HS3ST4: variants seen among roughly 807,000 people sequenced by gnomAD.
HS3ST4 encodes heparan sulfate glucosamine 3-O-sulfotransferase 4.
Under a neutral mutation model 29.2 loss-of-function variants are expected in HS3ST4, and 17 were observed. That is an observed-to-expected ratio of 0.58 (90% CI 0.40 to 0.87). The LOEUF is 0.87. Among genes scored for constraint, HS3ST4 ranks in the 40% least tolerant of loss-of-function variants. HS3ST4 has a pLI of 0.00. For missense variants in HS3ST4, 627 were observed against 634.5 expected (o/e 0.99, Z 0.13); for synonymous variants, 314 against 285.7 (o/e 1.10, Z -1.00).
intron 1 of HS3ST4, among the ~76,000 whole-genome samples, chr16:25,935,858 A>T (rs1968512233): frequency 6.6e-6 from 1 of 152,228 alleles, no homozygotes; most frequent in Non-Finnish European, 1.5e-5. Context: ...GTTAAAAAAA[A>T]GTCAAGTTAA....
At chr16:26,047,657 G>T (rs1898286725) in intron 1 of HS3ST4, among the ~76,000 whole-genome samples, 1 of 152,154 alleles carries the variant, frequency 6.6e-6, no homozygotes, top group Admixed American at 6.5e-5. Flanking sequence ...CGTCTCCAAA[G>T]CCCTGTTTTC....
chr16:25,849,000 T>A (rs1042635678), intron 1 of HS3ST4, among the ~76,000 whole-genome samples: 1 of 152,160 alleles, frequency 6.6e-6, no homozygotes, highest in Non-Finnish European at 1.5e-5. Flanking sequence ...GTAATTTCGG[T>A]TTTGAATTTC....
intron 1 of HS3ST4, among the ~76,000 whole-genome samples, chr16:26,122,980 G>C (rs1464689007): frequency 2.0e-5 from 3 of 151,920 alleles, no homozygotes; most frequent in Non-Finnish European, 4.4e-5. Context: ...CTTGAACCTT[G>C]GAGGCGGAGT....
intron 1 of HS3ST4, among the ~76,000 whole-genome samples, chr16:25,895,141 A>ATG (rs61699119): frequency 0.014 from 2,038 of 148,800 alleles, 17 homozygotes; most frequent in African/African-American, 0.024. Flanking sequence ...GTGAGGCAGG[A>ATG]TGTGTGTGTG....
intron 1 of HS3ST4, among the ~76,000 whole-genome samples, chr16:25,719,896 C>G (rs917183768): frequency 6.6e-6 from 1 of 152,156 alleles, no homozygotes; most frequent in Non-Finnish European, 1.5e-5. Flanking sequence ...GTGAGCAAAA[C>G]AAACTTCCTT....
intron 1 of HS3ST4, among the ~76,000 whole-genome samples, chr16:26,121,585 G>T (rs754640291): frequency 6.6e-6 from 1 of 152,168 alleles, no homozygotes; most frequent in Non-Finnish European, 1.5e-5. Context: ...AAGGAAGGCA[G>T]GCTGGCAGCA....
At chr16:25,984,419 G>A (rs1175154957) in intron 1 of HS3ST4, among the ~76,000 whole-genome samples, 1 of 152,212 alleles carries the variant, frequency 6.6e-6, no homozygotes, top group East Asian at 1.9e-4. Context: ...TGATCTAACA[G>A]GAGGTGGAGC....
chr16:25,932,856 T>C (rs1330509777), intron 1 of HS3ST4, among the ~76,000 whole-genome samples: 2 of 152,216 alleles, frequency 1.3e-5, no homozygotes, highest in Non-Finnish European at 2.9e-5. Context: ...TTTCTAAACC[T>C]AGACATTTTC....
intron 1 of HS3ST4, among the ~76,000 whole-genome samples, chr16:25,789,433 TC>T (rs879572839): frequency 0.046 from 5,307 of 114,804 alleles, 307 homozygotes; most frequent in East Asian, 0.13. Context: ...CTTCCTTCCT[TC>T]CTTCCTTCCT....
At chr16:25,702,062 C>T (rs1048944111) in intron 1 of HS3ST4, among the ~76,000 whole-genome samples, 10 of 152,204 alleles carry the variant, frequency 6.6e-5, no homozygotes, top group Admixed American at 6.5e-4. Context: ...AGCATTTCCA[C>T]TAAATCCAGA....
At chr16:25,857,940 C>CTTTCTTTCTT (rs1967595866) in intron 1 of HS3ST4, among the ~76,000 whole-genome samples, 1 of 50,290 alleles carries the variant, frequency 2.0e-5, no homozygotes, top group African/African-American at 1.1e-4. Context: ...TTCTTTCTTT[C>CTTTCTTTCTT]TTTCTTTCTT....
At chr16:25,842,850 T>C (rs1339112600) in intron 1 of HS3ST4, among the ~76,000 whole-genome samples, 2 of 152,180 alleles carry the variant, frequency 1.3e-5, no homozygotes, top group African/African-American at 4.8e-5. Flanking sequence ...ACAAGTTATT[T>C]TGACTCTCAA....
chr16:26,033,018 G>A (rs1389845950), intron 1 of HS3ST4, among the ~76,000 whole-genome samples: 1 of 152,116 alleles, frequency 6.6e-6, no homozygotes, highest in Non-Finnish European at 1.5e-5. Flanking sequence ...TTACATCCAT[G>A]GGAGGGTATA....
At position 25,841,816 on chromosome 16, in the gene HS3ST4, C is replaced by A. The variant is rs368205116; in HGVS notation, c.734+148665C>A. On this transcript the variant is annotated intron_variant, in intron 1 of 1. Coordinates refer to ENST00000331351, the MANE Select transcript of HS3ST4 (RefSeq NM_006040.3). ...GGAGACTATTGCTTCAATATGTTTT[C>A]CCATTCTTGTAACTGTCATTATGGT... Among the ~76,000 whole-genome samples, 356 of 152,252 alleles carry A rather than the reference C, an allele frequency of 2.3e-3. 2 individuals are homozygous for A. The highest frequency in any genetic ancestry group is 8.2e-3 in the African/African-American group (341 of 41,548).
At chr16:25,706,058 C>T (rs1303416778) in intron 1 of HS3ST4, among the ~76,000 whole-genome samples, 3 of 152,214 alleles carry the variant, frequency 2.0e-5, no homozygotes, top group Non-Finnish European at 4.4e-5. Context: ...TATTTTATAG[C>T]ATGGATATCA....
intron 1 of HS3ST4, among the ~76,000 whole-genome samples, chr16:25,966,384 C>T (rs1022850393): frequency 4.6e-5 from 7 of 152,164 alleles, no homozygotes; most frequent in Non-Finnish European, 7.3e-5. Flanking sequence ...CATACTCTGA[C>T]TCCTGGTACA....
intron 1 of HS3ST4, among the ~76,000 whole-genome samples, chr16:25,915,414 T>G (rs970412283): frequency 2.6e-5 from 4 of 152,242 alleles, no homozygotes; most frequent in Non-Finnish European, 5.9e-5. Flanking sequence ...CTTCCATTTC[T>G]TGGCCCTTTT....
At chr16:25,898,666 C>T (rs902433412) in intron 1 of HS3ST4, among the ~76,000 whole-genome samples, 3 of 152,194 alleles carry the variant, frequency 2.0e-5, no homozygotes, top group African/African-American at 7.2e-5. Flanking sequence ...TCACCGGAAG[C>T]ATGAATATGA....
At chr16:25,700,034 A>T (rs1208729547) in intron 1 of HS3ST4, among the ~76,000 whole-genome samples, 1 of 152,052 alleles carries the variant, frequency 6.6e-6, no homozygotes, top group Non-Finnish European at 1.5e-5. Context: ...GGCCCTAAAG[A>T]GAAAGCTGTA....
Sources: gnomAD v4.1 joint callset for allele counts (sites outside exome capture counted in the v4.1 genomes callset) on GRCh38, gnomAD v4.1.1 for gene constraint, MANE v1.5 for transcripts, NCBI Gene and HGNC (gene_info 2026-07-23, HGNC 2026-07-21) for gene names.